SHISA9: variants seen among roughly 807,000 people sequenced by gnomAD.
SHISA9 encodes shisa family member 9, also known as protein shisa-9.
A neutral mutation model predicts 38.0 loss-of-function variants in SHISA9; 13 were observed. That is an observed-to-expected ratio of 0.34 (90% CI 0.22 to 0.54). The LOEUF is 0.54. Among genes scored for constraint, SHISA9 ranks in the 20% least tolerant of loss-of-function variants. The probability of loss-of-function intolerance (pLI) is 0.91; values close to 1 mark genes in which losing one functional copy is unlikely to be tolerated. For missense variants in SHISA9, 538 were observed against 575.8 expected (o/e 0.93, Z 0.67); for synonymous variants, 275 against 242.0 (o/e 1.14, Z -1.27).
the SHISA9 span, among the ~76,000 whole-genome samples, chr16:13,475,392 G>C: frequency 6.6e-6 from 1 of 151,548 alleles, no homozygotes; most frequent in Non-Finnish European, 1.5e-5. Flanking sequence ...ATATGAAAGA[G>C]ATTATGAAGT....
At chr16:13,357,762 G>A in the SHISA9 span, among the ~76,000 whole-genome samples, 2 of 151,808 alleles carry the variant, frequency 1.3e-5, no homozygotes, top group Non-Finnish European at 1.5e-5. Context: ...GTTCTCTGGC[G>A]GGTAGGAGTG....
intron 4 of SHISA9, among the ~76,000 whole-genome samples, chr16:13,218,038 G>A (rs1348773734): frequency 2.6e-5 from 4 of 151,156 alleles, no homozygotes; most frequent in Non-Finnish European, 5.9e-5. Flanking sequence ...GAGGGAGGGA[G>A]GGAGGGAAGG....
At chr16:12,961,025 TG>T (rs532285101) in intron 2 of SHISA9, among the ~76,000 whole-genome samples, 1 of 145,372 alleles carries the variant, frequency 6.9e-6, no homozygotes, top group South Asian at 2.3e-4. Flanking sequence ...CTGTAACATG[TG>T]GGGGGGATGA....
intron 2 of SHISA9, among the ~76,000 whole-genome samples, chr16:12,961,377 C>T (rs760128768): frequency 1.3e-5 from 2 of 152,128 alleles, no homozygotes; most frequent in Non-Finnish European, 2.9e-5. Flanking sequence ...AATGGAGATC[C>T]ATGGAAGGAA....
the SHISA9 span, among the ~76,000 whole-genome samples, chr16:13,305,507 C>T: frequency 6.6e-6 from 1 of 152,132 alleles, no homozygotes; most frequent in Non-Finnish European, 1.5e-5. Context: ...TCCTGTCTTC[C>T]CCTGTCTCTC....
At chr16:12,975,113 T>C (rs1223686920) in intron 2 of SHISA9, among the ~76,000 whole-genome samples, 1 of 152,176 alleles carries the variant, frequency 6.6e-6, no homozygotes, top group Non-Finnish European at 1.5e-5. Flanking sequence ...TCCCTGCTCT[T>C]GAGGGGCTTT....
chr16:13,320,146 C>G, the SHISA9 span, among the ~76,000 whole-genome samples: 1 of 151,586 alleles, frequency 6.6e-6, no homozygotes, highest in Non-Finnish European at 1.5e-5. Context: ...CAAAAATTAG[C>G]CTGGCGTGGT....
At chr16:13,354,724 G>T in the SHISA9 span, among the ~76,000 whole-genome samples, 3 of 151,966 alleles carry the variant, frequency 2.0e-5, no homozygotes, top group African/African-American at 7.3e-5. Context: ...TACAGGGTGT[G>T]GTCCTGGCTC....
chr16:13,114,085 C>G (rs2074005792), intron 2 of SHISA9, among the ~76,000 whole-genome samples: 1 of 152,164 alleles, frequency 6.6e-6, no homozygotes, highest in Non-Finnish European at 1.5e-5. Context: ...AGAGGCTTAA[C>G]AATTAGCAAA....
intron 2 of SHISA9, among the ~76,000 whole-genome samples, chr16:13,039,855 G>T (rs538639371): frequency 9.2e-5 from 14 of 152,172 alleles, no homozygotes; most frequent in Non-Finnish European, 1.6e-4. Flanking sequence ...ACAGTTTACA[G>T]CTGTGTGACC....
chr16:12,954,575 G>T (rs188651946), intron 2 of SHISA9, among the ~76,000 whole-genome samples: 1 of 152,044 alleles, frequency 6.6e-6, no homozygotes, highest in South Asian at 2.1e-4. Context: ...TTTTTCCTTG[G>T]TTCTTAGACA....
chr16:13,537,605 G>A, the SHISA9 span, among the ~76,000 whole-genome samples: 1 of 152,214 alleles, frequency 6.6e-6, no homozygotes, highest in Non-Finnish European at 1.5e-5. Context: ...TTACCAGGCA[G>A]TGAGGATGAA....
intron 2 of SHISA9, among the ~76,000 whole-genome samples, chr16:13,158,069 A>G (rs934302625): frequency 6.6e-6 from 1 of 152,156 alleles, no homozygotes; most frequent in African/African-American, 2.4e-5. Flanking sequence ...AAAGAACCGG[A>G]ACCTTGGGGC....
At chr16:13,001,732 A>G (rs2072528236) in intron 2 of SHISA9, among the ~76,000 whole-genome samples, 1 of 152,228 alleles carries the variant, frequency 6.6e-6, no homozygotes, top group Non-Finnish European at 1.5e-5. Context: ...ATCTCGGAAG[A>G]AAAGAATGTA....
chr16:13,407,985 A>G, the SHISA9 span, among the ~76,000 whole-genome samples: 1 of 152,074 alleles, frequency 6.6e-6, no homozygotes, highest in South Asian at 2.1e-4. Context: ...GAGAGAGTTA[A>G]CTCAACATGT....
the SHISA9 span, among the ~76,000 whole-genome samples, chr16:13,267,145 A>G: frequency 6.6e-6 from 1 of 152,184 alleles, no homozygotes; most frequent in Non-Finnish European, 1.5e-5. Flanking sequence ...AAGTGGGACC[A>G]TATTCTAAGA....
rs371808521 is a variant in SHISA9, at chr16:13,076,158, G to A, written c.692-127236G>A. Among the ~76,000 whole-genome samples the A allele has an allele frequency of 3.0e-4, 45 of 151,476 alleles. No individual in the cohort carries two copies. The South Asian group carries it at 3.5e-3, about 12-fold the overall frequency. ...CGATTCTCCTGCCTCAACCTCCCAA[G>A]TAGCTGGGATTACATGCATGCGCCA... On this transcript the variant is annotated intron_variant, in intron 2 of 4. Transcript: ENST00000558583.
At chr16:13,267,567 A>T in the SHISA9 span, among the ~76,000 whole-genome samples, 1 of 152,174 alleles carries the variant, frequency 6.6e-6, no homozygotes, top group Non-Finnish European at 1.5e-5. Flanking sequence ...AATGCAGCCA[A>T]AGTGTTCTGT....
the SHISA9 span, among the ~76,000 whole-genome samples, chr16:13,280,735 A>C: frequency 6.6e-6 from 1 of 151,856 alleles, no homozygotes; most frequent in South Asian, 2.1e-4. Context: ...CTTTCCTTGT[A>C]TCATACCCAC....
Sources: gnomAD v4.1 joint callset for allele counts (sites outside exome capture counted in the v4.1 genomes callset) on GRCh38, gnomAD v4.1.1 for gene constraint, MANE v1.5 for transcripts, NCBI Gene and HGNC (gene_info 2026-07-23, HGNC 2026-07-21) for gene names.